CACNA1E: variants seen among roughly 807,000 people sequenced by gnomAD.
The protein encoded by CACNA1E is calcium voltage-gated channel subunit alpha1 E.
In CACNA1E, 40 loss-of-function variants were observed where a neutral mutation model predicts 259.2. That is an observed-to-expected ratio of 0.15 (90% confidence interval 0.12 to 0.20). The LOEUF is 0.20. CACNA1E is among the 10% of genes least tolerant of loss of function. The probability of loss-of-function intolerance (pLI) is 1.00; values close to 1 mark genes in which losing one functional copy is unlikely to be tolerated. For synonymous variants in CACNA1E, 1,104 were observed against 1,138.5 expected, an observed-to-expected ratio of 0.97 and a Z score of 0.61; for missense variants, 1,874 against 3,040.1, an observed-to-expected ratio of 0.62 and a Z score of 9.02.
At chr1:181,691,907 T>TG (rs1224216366) in intron 7 of CACNA1E, among the ~76,000 whole-genome samples, 1 of 152,056 alleles carries the variant, frequency 6.6e-6, no homozygotes, top group Non-Finnish European at 1.5e-5. Context: ...CAATTCTACA[T>TG]CTAGAAAACT....
chr1:181,715,594 T>C (rs1221078266), intron 9 of CACNA1E, among the ~76,000 whole-genome samples: 3 of 152,192 alleles, frequency 2.0e-5, no homozygotes, highest in African/African-American at 7.2e-5. Context: ...GTGATGAAAA[T>C]GAAACCCAAG....
At chr1:181,529,722 A>T (rs1045623088) in intron 3 of CACNA1E, among the ~76,000 whole-genome samples, 1 of 152,210 alleles carries the variant, frequency 6.6e-6, no homozygotes, top group Non-Finnish European at 1.5e-5. Context: ...TCGGATTTGC[A>T]TGGGCCCTGC....
intron 6 of CACNA1E, 86 bp from the exon 7 acceptor site, chr1:181,651,252 A>G: frequency 2.3e-6 from 2 of 874,336 alleles, no homozygotes; most frequent in East Asian, 2.4e-5. Context: ...TGGTTTTTAC[A>G]TCACCCTCTG....
At chr1:181,562,727 T>C (rs1233016647) in intron 3 of CACNA1E, among the ~76,000 whole-genome samples, 1 of 152,198 alleles carries the variant, frequency 6.6e-6, no homozygotes, top group Non-Finnish European at 1.5e-5. Flanking sequence ...ATCTCTCTGT[T>C]GTTCCTAATA....
chr1:181,425,454 G>T (rs1659096822), intron 2 of CACNA1E, among the ~76,000 whole-genome samples: 1 of 152,050 alleles, frequency 6.6e-6, no homozygotes, highest in African/African-American at 2.4e-5. Flanking sequence ...TTGTGGAGGA[G>T]GTGAACATAA....
chr1:181,347,490 A>C (rs1271790655), intron 1 of CACNA1E, among the ~76,000 whole-genome samples: 1 of 152,160 alleles, frequency 6.6e-6, no homozygotes, highest in Admixed American at 6.5e-5. Flanking sequence ...TTCCTACTAG[A>C]GAAGCTCTTG....
intron 2 of CACNA1E, among the ~76,000 whole-genome samples, chr1:181,430,210 G>C (rs73048046): frequency 2.0e-5 from 3 of 152,134 alleles, no homozygotes; most frequent in African/African-American, 7.2e-5. Flanking sequence ...GCAGTCTCTC[G>C]TTGTAAGGCA....
At chr1:181,489,960 G>GGTTC (rs1174402102) in intron 1 of CACNA1E, among the ~76,000 whole-genome samples, 6 of 152,168 alleles carry the variant, frequency 3.9e-5, no homozygotes, top group Non-Finnish European at 7.3e-5. Context: ...TGCACGTGTG[G>GGTTC]GTTCACCCAT....
chr1:181,560,311 T>A (rs942309529), intron 3 of CACNA1E, among the ~76,000 whole-genome samples: 1 of 151,964 alleles, frequency 6.6e-6, no homozygotes, highest in Non-Finnish European at 1.5e-5. Context: ...CAGATAAGCA[T>A]AAAGATAATA....
At chr1:181,493,358 G>A (rs899355224) in intron 1 of CACNA1E, among the ~76,000 whole-genome samples, 9 of 152,220 alleles carry the variant, frequency 5.9e-5, no homozygotes, top group African/African-American at 1.9e-4. Context: ...AGGCTGCTAT[G>A]AAAGAACACA....
At chr1:181,733,108 T>C (rs1655671768) in intron 20 of CACNA1E, 74 bp downstream of exon 20, 2 of 1,445,984 alleles carry the variant, frequency 1.4e-6, no homozygotes, top group South Asian at 1.5e-5. Flanking sequence ...TAAGCCTTTC[T>C]GAGCTCCAGT....
chr1:181,754,760 AT>A (rs1389614262), intron 27 of CACNA1E, among the ~76,000 whole-genome samples: 1 of 152,260 alleles, frequency 6.6e-6, no homozygotes, highest in East Asian at 1.9e-4. Context: ...ATAGTGTATT[AT>A]TACCTGATCC....
chr1:181,670,196 A>G (rs1443714581), intron 7 of CACNA1E, among the ~76,000 whole-genome samples: 1 of 152,194 alleles, frequency 6.6e-6, no homozygotes, highest in Non-Finnish European at 1.5e-5. Context: ...ATAATTAGAC[A>G]TGTTTTCTGT....
At chr1:181,500,716 C>G (rs544752660) in intron 1 of CACNA1E, among the ~76,000 whole-genome samples, 1 of 152,348 alleles carries the variant, frequency 6.6e-6, no homozygotes, top group African/African-American at 2.4e-5. Flanking sequence ...CAAGTCTTCC[C>G]TTTCCAAGCT....
intron 3 of CACNA1E, among the ~76,000 whole-genome samples, chr1:181,555,579 C>T (rs1648635532): frequency 6.6e-6 from 1 of 152,190 alleles, no homozygotes; most frequent in African/African-American, 2.4e-5. Context: ...TCTCCTGTGG[C>T]ACCTGCAGCC....
At chr1:181,495,803 G>A (rs2102535112) in intron 1 of CACNA1E, among the ~76,000 whole-genome samples, 1 of 152,294 alleles carries the variant, frequency 6.6e-6, no homozygotes, top group Admixed American at 6.5e-5. Context: ...AACATATTAG[G>A]TATTAGTATT....
At chr1:181,516,522 T>G (rs1666598597) in intron 3 of CACNA1E, among the ~76,000 whole-genome samples, 1 of 152,150 alleles carries the variant, frequency 6.6e-6, no homozygotes, top group African/African-American at 2.4e-5. Flanking sequence ...TAAGGTAAAG[T>G]CAGAATTTGA....
intron 3 of CACNA1E, among the ~76,000 whole-genome samples, chr1:181,545,176 G>T (rs769273595): frequency 2.0e-5 from 3 of 152,130 alleles, no homozygotes; most frequent in African/African-American, 4.8e-5. Context: ...CAGGACAGTA[G>T]TTACTCCCAG....
intron 2 of CACNA1E, among the ~76,000 whole-genome samples, chr1:181,416,000 G>A (rs1658243846): frequency 6.6e-6 from 1 of 152,210 alleles, no homozygotes; most frequent in African/African-American, 2.4e-5. Flanking sequence ...AAAGAGACGG[G>A]ATGTCAAGCC....
Sources: gnomAD v4.1 joint callset for allele counts (sites outside exome capture counted in the v4.1 genomes callset) on GRCh38, gnomAD v4.1.1 for gene constraint, MANE v1.5 for transcripts, NCBI Gene and HGNC (gene_info 2026-07-23, HGNC 2026-07-21) for gene names.